Variants in PDZD9 observed in about 807,000 individuals in gnomAD.
PDZD9 encodes PDZ domain-containing protein 9.
In PDZD9, 13 loss-of-function variants were observed where a neutral mutation model predicts 16.3. The observed-to-expected ratio is 0.80, with a 90% CI of 0.52 to 1.27. The LOEUF (loss-of-function observed/expected upper bound fraction) is 1.27. Among genes scored for constraint, PDZD9 ranks in the 50% most tolerant of loss-of-function variants. PDZD9 has a pLI of 0.00. For synonymous variants in PDZD9, 120 were observed against 111.0 expected (o/e 1.08, Z -0.51); for missense variants, 288 against 310.9 (o/e 0.93, Z 0.55).
the PDZD9 span, among the ~76,000 whole-genome samples, chr16:21,970,206 G>A: frequency 6.6e-6 from 1 of 152,076 alleles, no homozygotes; most frequent in Admixed American, 6.5e-5. Flanking sequence ...TTTATTCATT[G>A]ATTGGCATTT....
chr16:21,990,909 C>T (rs925319873), intron 2 of PDZD9, among the ~76,000 whole-genome samples: 7 of 152,174 alleles, frequency 4.6e-5, no homozygotes, highest in South Asian at 2.1e-4. Context: ...ACACCAATTT[C>T]GTACTTATGA....
At chr16:21,961,664 A>ATATATATATATATATG in the PDZD9 span, among the ~76,000 whole-genome samples, 2 of 103,986 alleles carry the variant, frequency 1.9e-5, no homozygotes, top group Non-Finnish European at 3.7e-5. Context: ...ATATATATAT[A>ATATATATATATATATG]TATATTTTAG....
At chr16:21,976,277 T>A in the PDZD9 span, 1 of 1,542,270 alleles carries the variant, frequency 6.5e-7, no homozygotes, top group Non-Finnish European at 9.0e-7. Flanking sequence ...TTTATGTTTT[T>A]GTTATTTGAA....
At chr16:21,958,611 A>G in the PDZD9 span, 1 of 1,605,484 alleles carries the variant, frequency 6.2e-7, no homozygotes. Flanking sequence ...TTTGTTAAAT[A>G]AGTAATAGAA....
At chr16:21,986,631 C>A (rs1898883143) in intron 3 of PDZD9, among the ~76,000 whole-genome samples, 1 of 152,096 alleles carries the variant, frequency 6.6e-6, no homozygotes, top group Non-Finnish European at 1.5e-5. Flanking sequence ...GAACCACTGA[C>A]CACATGAAAG....
Position 22,001,008 on chromosome 16 carries a change from C to A in PDZD9, c.31+9G>T. ...GGGCTTCTTCACCCGCTTCCTTCTC[C>A]CCAGTTACCTTTTTTGTTTTTGTGG... On this transcript the variant is annotated intron_variant, in intron 1 of 3. Coordinates refer to ENST00000424898, the MANE Select transcript of PDZD9 (RefSeq NM_001363519.1). 1.0e-5 allele frequency: 16 copies of A among 1,533,614 alleles called. No homozygotes were observed. Among genetic ancestry groups the A allele is most frequent in the Non-Finnish European group, 1.2e-5 (14 of 1,145,964 alleles).
intron 2 of PDZD9, among the ~76,000 whole-genome samples, 165 bp from the exon 3 acceptor site, chr16:21,988,956 A>G (rs1284946635): frequency 1.4e-5 from 2 of 144,892 alleles, no homozygotes; most frequent in Non-Finnish European, 1.5e-5. Flanking sequence ...TTTGAGATGA[A>G]GTCTAACTGT....
chr16:21,988,760 A>G lies in PDZD9; in HGVS notation c.243T>C (p.Asn81=). 1 of 1,612,464 alleles carries G rather than the reference A, an allele frequency of 6.2e-7. No homozygotes were observed. The highest frequency in any genetic ancestry group is 8.5e-7 in the Non-Finnish European group (1 of 1,179,680). ...GDVLISVGHA[N]VLGYTLREFL... ...ATTCTCGAAGAGTATATCCTAACACATTGGCATGGCCAACACTAATCAGAA... is the reference window on the plus strand; with the variant it reads ...ATTCTCGAAGAGTATATCCTAACACGTTGGCATGGCCAACACTAATCAGAA... The change falls in exon 3 of 4, where the codon AAT becomes AAC. Residue 81 remains asparagine (N), a synonymous_variant. Coordinates refer to ENST00000424898, the MANE Select transcript of PDZD9 (RefSeq NM_001363519.1).
chr16:21,984,224 C>T lies in PDZD9; in HGVS notation c.*43G>A. ...AACTTGTGCCTGGTGAGGCACAAAA[C>T]TTGGGTGTCTGCAAGATAAATGCTC... is the stretch of plus-strand genomic sequence containing the variant. On this transcript the variant is annotated 3_prime_UTR_variant, in exon 4 of 4. Transcript: ENST00000424898. 1 of 1,559,474 alleles carries T rather than the reference C, an allele frequency of 6.4e-7. No individual in the cohort carries two copies. Among genetic ancestry groups the T allele is most frequent in the Non-Finnish European group, 8.7e-7 (1 of 1,151,296 alleles).
chr16:21,976,229 T>C, the PDZD9 span: 1 of 1,613,726 alleles, frequency 6.2e-7, no homozygotes, highest in Non-Finnish European at 8.5e-7. Flanking sequence ...CCAACACAGA[T>C]GTCCAAGCTG....
chr16:21,978,500 C>T, the PDZD9 span, among the ~76,000 whole-genome samples: 1 of 152,144 alleles, frequency 6.6e-6, no homozygotes, highest in African/African-American at 2.4e-5. Flanking sequence ...GCTTACAAGA[C>T]CTGTACTGCC....
chr16:21,972,944 AC>A, the PDZD9 span, among the ~76,000 whole-genome samples: 2 of 152,162 alleles, frequency 1.3e-5, no homozygotes, highest in African/African-American at 2.4e-5. Flanking sequence ...TACTAAAAAT[AC>A]AAAAATTGTC....
the PDZD9 span, among the ~76,000 whole-genome samples, chr16:21,974,906 A>G: frequency 6.6e-6 from 1 of 152,214 alleles, no homozygotes; most frequent in Admixed American, 6.5e-5. Context: ...AGGCTAAGTC[A>G]TGTTTTGACA....
chr16:21,984,534 T>A lies in PDZD9; in HGVS notation c.528A>T (p.Ala176=). The A allele has an allele frequency of 6.2e-7, 1 of 1,605,924 alleles. No homozygotes were observed. Among genetic ancestry groups the A allele is most frequent in the South Asian group, 1.1e-5 (1 of 90,798 alleles). Residue 176 remains alanine, a synonymous_variant, in exon 4 of 4, where the codon GCA becomes GCT. Coordinates refer to ENST00000424898, the MANE Select transcript of PDZD9 (RefSeq NM_001363519.1). The part of the protein sequence containing the change: ...RYPWSTVHHP[A]RRPISISRDW... ...CTCTGGAGATGGATATTGGTCTCCT[T>A]GCAGGGTGATGCACAGTTGACCACG...
chr16:21,976,503 G>A, the PDZD9 span: 1 of 356,390 alleles, frequency 2.8e-6, no homozygotes, highest in Admixed American at 4.4e-5. Flanking sequence ...ACCAGCTTGG[G>A]CAACATAGCA....
At chr16:21,992,592 C>T (rs1206300474) in intron 2 of PDZD9, among the ~76,000 whole-genome samples, 1 of 152,182 alleles carries the variant, frequency 6.6e-6, no homozygotes, top group Non-Finnish European at 1.5e-5. Context: ...GTCTTCCAGC[C>T]TTCATCTTTC....
the PDZD9 span, among the ~76,000 whole-genome samples, chr16:21,964,058 A>G: frequency 2.0e-5 from 3 of 152,164 alleles, no homozygotes; most frequent in African/African-American, 2.4e-5. Flanking sequence ...GGGAGCAGAA[A>G]TGTGCAGGAA....
the PDZD9 span, among the ~76,000 whole-genome samples, chr16:21,960,666 G>T: frequency 6.6e-6 from 1 of 152,108 alleles, no homozygotes; most frequent in African/African-American, 2.4e-5. Context: ...AGAGACATGA[G>T]ACTCTTCCTT....
At chr16:21,992,969 GTGTT>G (rs1165938988) in intron 2 of PDZD9, among the ~76,000 whole-genome samples, 6 of 152,166 alleles carry the variant, frequency 3.9e-5, no homozygotes, top group Admixed American at 6.5e-5. Context: ...GGTTTTATGA[GTGTT>G]TGACAGCTCC....
Sources: allele counts gnomAD v4.1 joint callset (sites outside exome capture counted in the v4.1 genomes callset), GRCh38; gene constraint gnomAD v4.1.1; transcripts MANE v1.5; gene names NCBI Gene and HGNC (gene_info 2026-07-23, HGNC 2026-07-21).